ZFHX3: variants seen among roughly 807,000 people sequenced by gnomAD.
The protein encoded by ZFHX3 is zinc finger homeobox 3, also known as zinc finger homeobox protein 3.
In ZFHX3, 42 loss-of-function variants were observed where a neutral mutation model predicts 279.1. That is an observed-to-expected ratio of 0.15 (90% confidence interval 0.12 to 0.19). The LOEUF (loss-of-function observed/expected upper bound fraction) is 0.19. ZFHX3 is among the 10% of genes least tolerant of loss of function. ZFHX3 has a pLI of 1.00. For synonymous variants in ZFHX3, 2,293 were observed against 1,957.8 expected, an observed-to-expected ratio of 1.17 and a Z score of -4.52; for missense variants, 4,981 against 4,754.0, an observed-to-expected ratio of 1.05 and a Z score of -1.40.
intron 1 of ZFHX3, among the ~76,000 whole-genome samples, chr16:73,862,717 T>C (rs1436789322): frequency 6.6e-6 from 1 of 151,940 alleles, no homozygotes; most frequent in Non-Finnish European, 1.5e-5. Flanking sequence ...GAAGAGGCTG[T>C]AGAGAGCTGT....
intron 3 of ZFHX3, among the ~76,000 whole-genome samples, chr16:73,442,259 G>T (rs141176711): frequency 4.6e-5 from 7 of 152,208 alleles, no homozygotes; most frequent in African/African-American, 9.6e-5. Context: ...TGTTGGCAGG[G>T]TTGGTCTCTT....
In ZFHX3 at chr16:73,777,900, T is replaced by C. The variant is rs973811212; in HGVS notation, c.-1607-97660A>G. Among the ~76,000 whole-genome samples, 3 of 152,204 alleles carry C rather than the reference T, an allele frequency of 2.0e-5. No individual in the cohort carries two copies. The East Asian group carries it at 5.8e-4, about 29-fold the overall frequency. ...AGTATCTGGAAGGGATTGAGAAAGATGGAATGTCACAAAATAGCAAAGTCA... is the reference window on the plus strand; with the variant it reads ...AGTATCTGGAAGGGATTGAGAAAGACGGAATGTCACAAAATAGCAAAGTCA... On this transcript the variant is annotated intron_variant, in intron 1 of 17. Coordinates refer to the ZFHX3 transcript ENST00000641206.
chr16:73,184,108 G>C (rs1002555880), intron 5 of ZFHX3, among the ~76,000 whole-genome samples: 2 of 152,050 alleles, frequency 1.3e-5, no homozygotes, highest in African/African-American at 4.8e-5. Flanking sequence ...TCTCCTAGAG[G>C]TATATGGGCT....
intron 2 of ZFHX3, among the ~76,000 whole-genome samples, chr16:73,520,849 G>GA (rs75363733): frequency 4.6e-5 from 7 of 151,980 alleles, no homozygotes; most frequent in Admixed American, 2.6e-4. Context: ...ATAATACAGA[G>GA]AAAAAAAGGA....
At chr16:72,904,642 C>A (rs1246464208) in intron 3 of ZFHX3, among the ~76,000 whole-genome samples, 5 of 152,122 alleles carry the variant, frequency 3.3e-5, no homozygotes, top group Admixed American at 3.3e-4. Flanking sequence ...AGTGCCTTTT[C>A]TTGCTGGGAA....
chr16:73,482,597 G>T (rs556219075), intron 2 of ZFHX3, among the ~76,000 whole-genome samples: 2 of 152,106 alleles, frequency 1.3e-5, no homozygotes, highest in African/African-American at 2.4e-5. Flanking sequence ...ATGCAATCCC[G>T]CAAAGAGTGA....
chr16:73,027,791 A>G (rs969631162), intron 1 of ZFHX3, among the ~76,000 whole-genome samples: 1 of 152,154 alleles, frequency 6.6e-6, no homozygotes, highest in Admixed American at 6.5e-5. Flanking sequence ...CCTCACTTTG[A>G]GATATGATGT....
At chr16:73,765,494 T>C (rs2053922413) in intron 1 of ZFHX3, among the ~76,000 whole-genome samples, 2 of 152,220 alleles carry the variant, frequency 1.3e-5, no homozygotes, top group Non-Finnish European at 2.9e-5. Context: ...ATTGTGAGGC[T>C]AGTTAAGGCT....
chr16:72,931,798 T>C (rs931772737), intron 3 of ZFHX3, among the ~76,000 whole-genome samples: 2 of 152,142 alleles, frequency 1.3e-5, no homozygotes, highest in Non-Finnish European at 2.9e-5. Flanking sequence ...TGGTTTTCGA[T>C]ACAAATGAAC....
chr16:73,142,498 T>A (rs1340457400), intron 6 of ZFHX3, among the ~76,000 whole-genome samples: 1 of 152,196 alleles, frequency 6.6e-6, no homozygotes, highest in East Asian at 1.9e-4. Flanking sequence ...TTGTAATCTG[T>A]TTCTCCCCCC....
intron 2 of ZFHX3, among the ~76,000 whole-genome samples, chr16:73,511,240 A>G (rs1381432632): frequency 6.6e-6 from 1 of 152,236 alleles, no homozygotes; most frequent in Non-Finnish European, 1.5e-5. Flanking sequence ...CACTCATAGC[A>G]GTGGCCAACT....
intron 3 of ZFHX3, among the ~76,000 whole-genome samples, chr16:72,937,111 T>G (rs1361560686): frequency 6.6e-6 from 1 of 152,102 alleles, no homozygotes; most frequent in African/African-American, 2.4e-5. Context: ...CAGAGTCCTT[T>G]CTGCACCATG....
intron 1 of ZFHX3, among the ~76,000 whole-genome samples, chr16:72,970,171 A>C (rs989792721): frequency 5.3e-5 from 8 of 152,200 alleles, no homozygotes; most frequent in African/African-American, 1.9e-4. Flanking sequence ...AGGCAGGTCT[A>C]GGAACCCAGT....
intron 6 of ZFHX3, among the ~76,000 whole-genome samples, chr16:73,133,032 C>T (rs1348941751): frequency 1.3e-5 from 2 of 152,212 alleles, no homozygotes; most frequent in Non-Finnish European, 2.9e-5. Flanking sequence ...CTTGGCAACA[C>T]ATGGGAGGCC....
chr16:73,655,420 C>T (rs1297204525), intron 2 of ZFHX3, among the ~76,000 whole-genome samples: 1 of 152,068 alleles, frequency 6.6e-6, no homozygotes, highest in Non-Finnish European at 1.5e-5. Context: ...GAATAGGAGA[C>T]TCTACCAAGT....
At chr16:73,853,793 C>T (rs527602106) in intron 1 of ZFHX3, among the ~76,000 whole-genome samples, 9 of 152,166 alleles carry the variant, frequency 5.9e-5, no homozygotes, top group East Asian at 5.8e-4. Flanking sequence ...AATATGCCCA[C>T]GTATCAAACA....
chr16:73,555,382 T>C (rs1461636431), intron 2 of ZFHX3, among the ~76,000 whole-genome samples: 2 of 151,912 alleles, frequency 1.3e-5, no homozygotes, highest in Non-Finnish European at 2.9e-5. Context: ...TCCCGATATC[T>C]TGACCTCGTG....
At chr16:73,764,846 C>T (rs946616734) in intron 1 of ZFHX3, among the ~76,000 whole-genome samples, 1 of 152,168 alleles carries the variant, frequency 6.6e-6, no homozygotes, top group Admixed American at 6.5e-5. Context: ...CCATCTCCAG[C>T]TCTTAGCCCT....
At chr16:73,881,480 GC>G (rs796522913) in intron 1 of ZFHX3, among the ~76,000 whole-genome samples, 601 of 23,570 alleles carry the variant, frequency 0.025, 21 homozygotes, top group African/African-American at 0.055. Flanking sequence ...CTCTCTCTCT[GC>G]CCCCCCCCCC....
Sources: allele counts gnomAD v4.1 joint callset (sites outside exome capture counted in the v4.1 genomes callset), GRCh38; gene constraint gnomAD v4.1.1; transcripts MANE v1.5; gene names NCBI Gene and HGNC (gene_info 2026-07-23, HGNC 2026-07-21).